The following STOX1 variants were observed in gnomAD, a reference collection of about 807,000 sequenced individuals.
The protein encoded by STOX1 is storkhead-box protein 1.
A neutral mutation model predicts 74.8 loss-of-function variants in STOX1; 57 were observed. The observed-to-expected ratio is 0.76, with a 90% CI of 0.62 to 0.95. The LOEUF is 0.95. STOX1 is among the 40% of genes least tolerant of loss of function. The pLI is 0.00. For synonymous variants in STOX1, 375 were observed against 401.3 expected, an observed-to-expected ratio of 0.93 and a Z score of 0.78; for missense variants, 1,010 against 1,117.0, an observed-to-expected ratio of 0.90 and a Z score of 1.37.
At chr10:68,864,028 C>T (rs1840335276) in intron 1 of STOX1, among the ~76,000 whole-genome samples, 1 of 151,868 alleles carries the variant, frequency 6.6e-6, no homozygotes, top group Non-Finnish European at 1.5e-5. Context: ...AGGTTCATGC[C>T]ATTCTCCTGC....
intron 3 of STOX1, among the ~76,000 whole-genome samples, chr10:68,888,627 A>ATTTTTTTTT (rs747038041): frequency 2.6e-4 from 28 of 107,816 alleles, no homozygotes; most frequent in African/African-American, 9.2e-4. Context: ...CTTTGCCAGT[A>ATTTTTTTTT]TTTTTTTTTT....
Position 68,827,668 on chromosome 10 carries a change from G to C in STOX1, c.45G>C (p.Val15=), listed in dbSNP as rs1166945557. Residue 15 remains valine, a synonymous_variant, in exon 1 of 4, where the codon GTG becomes GTC. Coordinates refer to ENST00000298596, the MANE Select transcript of STOX1 (RefSeq NM_152709.5). ...TGGCGCCGGGCTCGCTGGCGCTAGT[G>C]CTGTGCCGGCTGGAGGCGCAGAAGG... ...VQLAPGSLAL[V]LCRLEAQKAA... 1 of 1,131,832 alleles carries C rather than the reference G, an allele frequency of 8.8e-7. No individual in the cohort carries two copies. Among genetic ancestry groups the C allele is most frequent in the African/African-American group, 1.7e-5 (1 of 60,240 alleles). 70.1% of individuals were successfully genotyped at this position (1,131,832 alleles called of 1,614,324 possible).
Position 68,885,268 on chromosome 10 carries a change from AG to A in STOX1, c.1473del (p.Lys491AsnfsTer29), listed in dbSNP as rs1375769051. 1.9e-6 allele frequency: 3 copies of A among 1,614,136 alleles called. No homozygotes were observed. The highest frequency in any genetic ancestry group is 2.5e-6 in the Non-Finnish European group (3 of 1,180,048). On this transcript the variant is annotated frameshift_variant, in exon 3 of 4. Coordinates refer to ENST00000298596, the MANE Select transcript of STOX1 (RefSeq NM_152709.5). LOFTEE classifies it high-confidence loss of function. ...TVLGSHLIYKKRISNPFQGLS... is the reference protein window; with the variant it reads ...TVLGSHLIYKXRISNPFQGLS... ...CTAGGTTCCCATTTGATTTACAAAA[AG>A]CGAATCAGTAATCCTTTCCAGGGTT...
chr10:68,864,194 G>T (rs577461698), intron 1 of STOX1, among the ~76,000 whole-genome samples: 2 of 152,190 alleles, frequency 1.3e-5, no homozygotes, highest in East Asian at 3.9e-4. Context: ...AAAGTGTTGG[G>T]ATTACAGGCG....
intron 1 of STOX1, among the ~76,000 whole-genome samples, chr10:68,846,041 A>G (rs939422112): frequency 6.6e-6 from 1 of 151,910 alleles, no homozygotes; most frequent in South Asian, 2.1e-4. Flanking sequence ...GCCCACCTCT[A>G]TTTTGAGATT....
At chr10:68,891,758 C>T (rs998897771) in intron 3 of STOX1, among the ~76,000 whole-genome samples, 15 of 150,952 alleles carry the variant, frequency 9.9e-5, no homozygotes, top group Non-Finnish European at 1.6e-4. Context: ...GCCAAGACTG[C>T]ACCATTGCAC....
chr10:68,885,966 G>T lies in STOX1; in HGVS notation c.2170G>T (p.Glu724Ter). ...CGATGACCAGGCCTTGTATCAGAAT[G>T]AAGTGGAAGATGATGATGGTGCCTG... The part of the protein sequence containing the change: ...SNDDQALYQN[E>*]VEDDDGACSS... The change falls in exon 3 of 4, where the codon GAA (glutamate) becomes TAA (stop). Residue 724 changes from glutamate to a stop codon, truncating the protein, a stop_gained. Transcript: ENST00000298596. LOFTEE classifies it high-confidence loss of function. The T allele has an allele frequency of 6.2e-7, 1 of 1,614,210 alleles. No homozygotes were observed. The highest frequency in any genetic ancestry group is 8.5e-7 in the Non-Finnish European group (1 of 1,180,046).
intron 1 of STOX1, among the ~76,000 whole-genome samples, chr10:68,851,708 G>T (rs951564786): frequency 2.0e-5 from 3 of 152,092 alleles, no homozygotes; most frequent in African/African-American, 7.2e-5. Context: ...GGGTGTGGTG[G>T]TGTGCACCTG....
At chr10:68,878,380 G>A (rs764689190) in intron 1 of STOX1, among the ~76,000 whole-genome samples, 2 of 152,152 alleles carry the variant, frequency 1.3e-5, no homozygotes, top group Non-Finnish European at 2.9e-5. Flanking sequence ...GTTTCAAGGA[G>A]GATTTTGAGT....
At position 68,834,428 on chromosome 10, in the gene STOX1, T is replaced by A. The variant is rs562905567; in HGVS notation, c.310+6495T>A. The stretch of plus-strand genomic sequence containing the variant: ...GGTGTGGGGGAGTGTGTACAAATGG[T>A]AAGGAAAGGGAGTGGTCTGATTCCT... On this transcript the variant is annotated intron_variant, in intron 1 of 3. Transcript: ENST00000298596. Among the ~76,000 whole-genome samples the A allele has an allele frequency of 5.9e-5, 9 of 152,260 alleles. No homozygotes were observed. The South Asian group carries it at 1.7e-3, about 28-fold the overall frequency.
chr10:68,868,260 A>T (rs1216085603), intron 1 of STOX1, among the ~76,000 whole-genome samples: 1 of 152,184 alleles, frequency 6.6e-6, no homozygotes, highest in African/African-American at 2.4e-5. Context: ...ACAGAGTTTG[A>T]CCCACCTATT....
intron 1 of STOX1, among the ~76,000 whole-genome samples, chr10:68,864,473 A>G (rs1003773984): frequency 5.3e-5 from 8 of 152,238 alleles, no homozygotes; most frequent in African/African-American, 1.9e-4. Flanking sequence ...CTATTTATAA[A>G]AGCTTGCTGT....
At chr10:68,889,841 C>T (rs1841055969) in intron 3 of STOX1, among the ~76,000 whole-genome samples, 1 of 152,118 alleles carries the variant, frequency 6.6e-6, no homozygotes, top group African/African-American at 2.4e-5. Flanking sequence ...GGATTACAGG[C>T]ATGAGCCACT....
At chr10:68,832,162 G>A (rs892454851) in intron 1 of STOX1, among the ~76,000 whole-genome samples, 6 of 152,146 alleles carry the variant, frequency 3.9e-5, no homozygotes, top group African/African-American at 1.2e-4. Context: ...AACCAGCTGA[G>A]CCACTGGGGA....
chr10:68,841,180 C>T (rs998071032), intron 1 of STOX1, among the ~76,000 whole-genome samples: 5 of 149,562 alleles, frequency 3.3e-5, no homozygotes, highest in Non-Finnish European at 5.9e-5. Flanking sequence ...CTCTTGACCT[C>T]GTGATCTGCC....
At chr10:68,856,963 C>T (rs1179361812) in intron 1 of STOX1, among the ~76,000 whole-genome samples, 4 of 152,082 alleles carry the variant, frequency 2.6e-5, no homozygotes, top group Admixed American at 2.6e-4. Flanking sequence ...AGATATTGCT[C>T]CAATCCTCCT....
Position 68,884,621 on chromosome 10 carries a change from C to A in STOX1, c.825C>A (p.Ser275=). The change falls in exon 3 of 4, where the codon TCC becomes TCA. Residue 275 remains serine, a synonymous_variant. Transcript: ENST00000298596. ...TRKSHRGLGE[S]VSWVQNGAVS... is the part of the protein sequence containing the mutation. The stretch of plus-strand genomic sequence containing the variant: ...AGAGTCACAGAGGTCTTGGGGAATC[C>A]GTATCTTGGGTACAGAATGGGGCAG... 1 of 1,613,932 alleles carries A rather than the reference C, an allele frequency of 6.2e-7. No homozygotes were observed. The highest frequency in any genetic ancestry group is 8.5e-7 in the Non-Finnish European group (1 of 1,180,044).
In STOX1 at chr10:68,885,732, GCCT is replaced by G. The variant is rs746987585; in HGVS notation, c.1940_1942del (p.Ser647del). 1.5e-5 allele frequency: 24 copies of G among 1,614,130 alleles called. No individual in the cohort carries two copies. The Admixed American group carries it at 2.2e-4, about 15-fold the overall frequency. ...TCCGCATAGTCTGCCATCACGAGGTGCCTCCTTTTCAGACCGAACACCCTCTGC... is the reference window on the plus strand; with the variant it reads ...TCCGCATAGTCTGCCATCACGAGGTGCCTTTTCAGACCGAACACCCTCTGC... On this transcript the variant is annotated inframe_deletion, in exon 3 of 4. Coordinates refer to ENST00000298596, the MANE Select transcript of STOX1 (RefSeq NM_152709.5).
chr10:68,847,814 C>G (rs1167089295), intron 1 of STOX1, among the ~76,000 whole-genome samples: 4 of 152,114 alleles, frequency 2.6e-5, no homozygotes, highest in Admixed American at 2.0e-4. Context: ...CTACCGAAAC[C>G]TCCACCTCCT....
Sources: allele counts gnomAD v4.1 joint callset (sites outside exome capture counted in the v4.1 genomes callset), GRCh38; gene constraint gnomAD v4.1.1; transcripts MANE v1.5; gene names NCBI Gene and HGNC (gene_info 2026-07-23, HGNC 2026-07-21).